MRPS28: variants seen among roughly 807,000 people sequenced by gnomAD.
MRPS28 encodes small ribosomal subunit protein bS1m.
Under a neutral mutation model 10.8 loss-of-function variants are expected in MRPS28, and 7 were observed. That is an observed-to-expected ratio of 0.65 (90% CI 0.37 to 1.22). The LOEUF (loss-of-function observed/expected upper bound fraction) is 1.22, where lower values mean the gene tolerates loss of function less well. Among genes scored for constraint, MRPS28 ranks in the 50% most tolerant of loss-of-function variants. MRPS28 has a pLI of 0.02. For synonymous variants in MRPS28, 121 were observed against 93.3 expected (o/e 1.30, Z -1.71); for missense variants, 265 against 232.9 (o/e 1.14, Z -0.90).
chr8:79,969,684 T>C (rs941798768), intron 2 of MRPS28, among the ~76,000 whole-genome samples: 1 of 151,778 alleles, frequency 6.6e-6, no homozygotes, highest in Non-Finnish European at 1.5e-5. Context: ...GAGACCAGCC[T>C]GGGCAAAATA....
intron 2 of MRPS28, among the ~76,000 whole-genome samples, chr8:79,964,766 T>C (rs1807463149): frequency 6.6e-6 from 1 of 152,214 alleles, no homozygotes; most frequent in Non-Finnish European, 1.5e-5. Flanking sequence ...CCTGGCACCA[T>C]GTGAGCATTC....
intron 1 of MRPS28, among the ~76,000 whole-genome samples, chr8:80,009,679 T>C (rs1198623084): frequency 1.3e-4 from 20 of 151,430 alleles, no homozygotes. Context: ...AGAGATGTGA[T>C]AGTCCAGGGT....
At chr8:79,942,832 A>T (rs1563522079) in intron 2 of MRPS28, among the ~76,000 whole-genome samples, 1 of 152,208 alleles carries the variant, frequency 6.6e-6, no homozygotes, top group East Asian at 1.9e-4. Flanking sequence ...ATAAGAAAAA[A>T]ATACATGTTG....
intron 2 of MRPS28, among the ~76,000 whole-genome samples, chr8:79,983,837 T>C (rs1323288487): frequency 1.3e-5 from 2 of 152,214 alleles, no homozygotes; most frequent in Non-Finnish European, 2.9e-5. Flanking sequence ...GGAACCAAGT[T>C]GGAAAACACT....
At chr8:79,937,676 C>T (rs914226669) in intron 2 of MRPS28, among the ~76,000 whole-genome samples, 3 of 152,164 alleles carry the variant, frequency 2.0e-5, no homozygotes, top group Non-Finnish European at 2.9e-5. Context: ...ACAATGCAGA[C>T]GTTCTTTTTA....
chr8:79,998,686 C>A (rs1808574873), intron 2 of MRPS28, among the ~76,000 whole-genome samples: 2 of 152,198 alleles, frequency 1.3e-5, no homozygotes. Context: ...GCCCCTTTAT[C>A]CCCAATAAGC....
intron 1 of MRPS28, among the ~76,000 whole-genome samples, chr8:80,018,068 T>A (rs1256040127): frequency 6.6e-6 from 1 of 151,956 alleles, no homozygotes; most frequent in Non-Finnish European, 1.5e-5. Context: ...GGCGGGCGGA[T>A]CACAAGGTCA....
intron 2 of MRPS28, among the ~76,000 whole-genome samples, chr8:79,934,583 T>A (rs1457387605): frequency 6.6e-6 from 1 of 152,210 alleles, no homozygotes; most frequent in African/African-American, 2.4e-5. Context: ...TCAAGTAAAC[T>A]ATATGGAAGA....
intron 1 of MRPS28, among the ~76,000 whole-genome samples, chr8:80,025,863 C>G (rs920578984): frequency 6.6e-6 from 1 of 152,198 alleles, no homozygotes; most frequent in African/African-American, 2.4e-5. Flanking sequence ...AATTTACACT[C>G]TTTAACTGTA....
chr8:80,029,877 A>T (rs777291525), intron 1 of MRPS28, 159 bp downstream of exon 1: 40 of 1,536,104 alleles, frequency 2.6e-5, no homozygotes, highest in Non-Finnish European at 3.2e-5. Flanking sequence ...CACAGATTCT[A>T]GGGGCCGAGG....
intron 2 of MRPS28, chr8:79,957,125 ATTCTCTTTGCC>A (rs1481681930): frequency 6.6e-6 from 1 of 152,102 alleles, no homozygotes; most frequent in African/African-American, 2.4e-5. Flanking sequence ...CTATTCATTC[ATTCTCTTTGCC>A]TAGAAGGCCC....
intron 2 of MRPS28, among the ~76,000 whole-genome samples, chr8:79,924,118 T>C (rs1810170762): frequency 6.6e-6 from 1 of 152,250 alleles, no homozygotes; most frequent in Non-Finnish European, 1.5e-5. Context: ...TGAGGAATTC[T>C]GACTTTGCTA....
chr8:79,981,422 CA>C, intron 2 of MRPS28, among the ~76,000 whole-genome samples: 1 of 152,226 alleles, frequency 6.6e-6, no homozygotes, highest in East Asian at 1.9e-4. Flanking sequence ...AGGAAACAGG[CA>C]AACTAAAATA....
At position 79,919,032 on chromosome 8, in the gene MRPS28, C is replaced by T. The variant is rs181221749; in HGVS notation, c.512G>A (p.Gly171Glu). 3.8e-6 allele frequency: 6 copies of T among 1,597,846 alleles called. No homozygotes were observed. In the African/African-American group the frequency reaches 8.1e-5, roughly 21 times the overall value. ...TVLEANAVLLGIQESKDSRSK... is the reference protein window; with the variant it reads ...TVLEANAVLLEIQESKDSRSK... ...TCTTGAGTCTTTACTCTCCTGGATT[C>T]CCAAGAGAACTGCATTAGCCTCTAG... is the stretch of plus-strand genomic sequence containing the variant. Residue 171 changes from glycine (G) to glutamate (E), a missense_variant, in exon 3 of 3, where the codon GGA becomes GAA. Gly to Glu is a moderately conservative substitution (Grantham distance 98, BLOSUM62 -2). Transcript: ENST00000276585.
In MRPS28 at chr8:79,921,041, G is replaced by T. The variant is rs569607161; in HGVS notation, c.396-1893C>A. Reference sequence around the variant, plus strand: ...AGTTTTCCCAGCACCATTTATTAAAGAGGGAATCCTTTCCCCATTGCTTGT... The same window carrying T: ...AGTTTTCCCAGCACCATTTATTAAATAGGGAATCCTTTCCCCATTGCTTGT... On this transcript the variant is annotated intron_variant, in intron 2 of 2. Transcript: ENST00000276585. Among the ~76,000 whole-genome samples, 772 of 152,144 alleles carry T rather than the reference G, an allele frequency of 5.1e-3. 4 individuals are homozygous for T. Among genetic ancestry groups the T allele is most frequent in the Middle Eastern group, 0.02 (6 of 294 alleles).
At chr8:79,979,014 T>A (rs1807877657) in intron 2 of MRPS28, among the ~76,000 whole-genome samples, 1 of 152,238 alleles carries the variant, frequency 6.6e-6, no homozygotes. Context: ...TTGTTTTGTA[T>A]CTTTAGTTGA....
intron 2 of MRPS28, among the ~76,000 whole-genome samples, chr8:79,942,108 C>A (rs934043884): frequency 6.6e-6 from 1 of 152,058 alleles, no homozygotes; most frequent in African/African-American, 2.4e-5. Context: ...ACTGAGGGGA[C>A]AAGACAACTG....
At chr8:79,943,498 T>C (rs1482615492) in intron 2 of MRPS28, among the ~76,000 whole-genome samples, 1 of 152,202 alleles carries the variant, frequency 6.6e-6, no homozygotes, top group Admixed American at 6.5e-5. Flanking sequence ...ATAAAGAATC[T>C]TGAAGATTTG....
chr8:79,982,208 C>A (rs1209473319), intron 2 of MRPS28, among the ~76,000 whole-genome samples: 1 of 152,170 alleles, frequency 6.6e-6, no homozygotes, highest in African/African-American at 2.4e-5. Flanking sequence ...GATCGCACCA[C>A]TGCATTCCAG....
Sources: gnomAD v4.1 joint callset for allele counts (sites outside exome capture counted in the v4.1 genomes callset) on GRCh38, gnomAD v4.1.1 for gene constraint, MANE v1.5 for transcripts, NCBI Gene and HGNC (gene_info 2026-07-23, HGNC 2026-07-21) for gene names.